The following MGAT5 variants were observed in gnomAD, a reference collection of about 807,000 sequenced individuals.
The protein encoded by MGAT5 is alpha-1,6-mannosylglycoprotein 6-beta-N-acetylglucosaminyltransferase A.
Under a neutral mutation model 94.3 loss-of-function variants are expected in MGAT5, and 30 were observed. The observed-to-expected ratio is 0.32, with a 90% CI of 0.24 to 0.43. The LOEUF (loss-of-function observed/expected upper bound fraction) is 0.43. MGAT5 is among the 20% of genes least tolerant of loss of function. The pLI, the probability that MGAT5 is intolerant of heterozygous loss-of-function variation, is 1.00. For synonymous variants in MGAT5, 310 were observed against 322.9 expected, an observed-to-expected ratio of 0.96 and a Z score of 0.43; for missense variants, 691 against 905.5, an observed-to-expected ratio of 0.76 and a Z score of 3.04.
At chr2:134,299,027 A>G (rs1685862338) in intron 2 of MGAT5, among the ~76,000 whole-genome samples, 1 of 152,158 alleles carries the variant, frequency 6.6e-6, no homozygotes, top group Non-Finnish European at 1.5e-5. Context: ...GATCTTCCCA[A>G]TTGTACTTTT....
intron 1 of MGAT5, among the ~76,000 whole-genome samples, chr2:134,168,545 A>G (rs183094376): frequency 1.3e-5 from 2 of 152,336 alleles, no homozygotes; most frequent in Admixed American, 6.5e-5. Flanking sequence ...GCTTCACAGT[A>G]TGGTGAATTT....
chr2:134,380,426 A>G (rs1221334926), intron 10 of MGAT5, among the ~76,000 whole-genome samples: 3 of 152,184 alleles, frequency 2.0e-5, no homozygotes, highest in African/African-American at 7.2e-5. Flanking sequence ...TTAGAATGCA[A>G]GTGCACCCTT....
rs80337449 is a variant in MGAT5 at position 134,446,355 on chromosome 2, G to A, written c.2028-2294G>A. On this transcript the variant is annotated intron_variant, in intron 15 of 15. Coordinates refer to ENST00000281923, the MANE Select transcript of MGAT5 (RefSeq NM_002410.5). ...TTCCTCGCCATGGGGTCTGAGAGTC[G>A]CCGTAGAGATTTCTATGCTCTGGTT... is the stretch of plus-strand genomic sequence containing the variant. Among the ~76,000 whole-genome samples the A allele has an allele frequency of 4.9e-3, 747 of 152,052 alleles. 9 individuals are homozygous for A. Among genetic ancestry groups the A allele is most frequent in the African/African-American group, 0.015 (635 of 41,460 alleles).
rs115249344 is a variant in MGAT5 at position 134,165,331 on chromosome 2, T to C, written c.-143+45040T>C. On this transcript the variant is annotated intron_variant, in intron 1 of 16. Coordinates refer to the MGAT5 transcript ENST00000409645. ...GAGATTTAAGACATGGATACTCTAA[T>C]GCACATTAGAAAATTTAATATATTG... is the stretch of plus-strand genomic sequence containing the variant. 7.6e-3 allele frequency among the ~76,000 whole-genome samples: 1,158 copies of C among 152,300 alleles called. 11 individuals carry two copies. The highest frequency in any genetic ancestry group is 0.026 in the African/African-American group (1,063 of 41,552).
intron 11 of MGAT5, among the ~76,000 whole-genome samples, chr2:134,411,136 C>T (rs1331975002): frequency 1.3e-5 from 2 of 152,304 alleles, no homozygotes; most frequent in Non-Finnish European, 2.9e-5. Context: ...TCTCCCCCAC[C>T]CCTGAGCCAC....
chr2:134,308,415 A>G (rs1686457858), intron 2 of MGAT5, among the ~76,000 whole-genome samples: 1 of 152,196 alleles, frequency 6.6e-6, no homozygotes, highest in African/African-American at 2.4e-5. Flanking sequence ...CTGCACTGAC[A>G]TTCAGGGCTC....
intron 1 of MGAT5, among the ~76,000 whole-genome samples, chr2:134,165,950 A>C (rs1180581010): frequency 1.3e-5 from 2 of 152,182 alleles, no homozygotes; most frequent in African/African-American, 4.8e-5. Flanking sequence ...AGGTATGAAA[A>C]ATAGTACCTC....
chr2:134,406,801 G>T (rs1683366614), intron 11 of MGAT5, among the ~76,000 whole-genome samples: 1 of 152,128 alleles, frequency 6.6e-6, no homozygotes, highest in Non-Finnish European at 1.5e-5. Context: ...AAGCTGAAAT[G>T]GGAGGGTCAC....
chr2:134,214,910 T>C (rs72846742), intron 1 of MGAT5, among the ~76,000 whole-genome samples: 11,252 of 152,194 alleles, frequency 0.074, 467 homozygotes, highest in African/African-American at 0.092. Context: ...AACCACCAGA[T>C]ACACAGAGCA....
chr2:134,448,516 C>T (rs1223791638), intron 15 of MGAT5, 133 bp from the exon 16 acceptor site: 1 of 813,022 alleles, frequency 1.2e-6, no homozygotes, highest in Non-Finnish European at 2.1e-6. Flanking sequence ...GGGTGGGCAC[C>T]ATTTCATTTC....
chr2:134,445,982 C>T (rs2106438806), intron 15 of MGAT5, among the ~76,000 whole-genome samples: 1 of 152,292 alleles, frequency 6.6e-6, no homozygotes, highest in East Asian at 1.9e-4. Context: ...GGGATGGGCA[C>T]ATGCATGCCA....
chr2:134,302,492 C>A (rs984748958), intron 2 of MGAT5, among the ~76,000 whole-genome samples: 4 of 152,096 alleles, frequency 2.6e-5, no homozygotes, highest in Admixed American at 6.6e-5. Context: ...ATTAATATTT[C>A]TGATTCTCTT....
chr2:134,201,993 A>T, intron 1 of MGAT5, among the ~76,000 whole-genome samples: 1 of 151,924 alleles, frequency 6.6e-6, no homozygotes, highest in East Asian at 1.9e-4. Flanking sequence ...GCTGGTTGAT[A>T]CTAATGAAGA....
intron 1 of MGAT5, among the ~76,000 whole-genome samples, chr2:134,145,769 A>G (rs1686889587): frequency 6.6e-6 from 1 of 151,126 alleles, no homozygotes; most frequent in African/African-American, 2.5e-5. Flanking sequence ...GTGCTAATCT[A>G]TCTGGTGAGG....
intron 10 of MGAT5, among the ~76,000 whole-genome samples, chr2:134,398,198 C>A (rs981049252): frequency 6.6e-6 from 1 of 152,194 alleles, no homozygotes; most frequent in Non-Finnish European, 1.5e-5. Flanking sequence ...GTTGAAAATT[C>A]TCCAGTGCTC....
intron 10 of MGAT5, among the ~76,000 whole-genome samples, chr2:134,372,614 T>C (rs1243044059): frequency 6.6e-6 from 1 of 152,212 alleles, no homozygotes; most frequent in East Asian, 1.9e-4. Flanking sequence ...ACTGTAGAGC[T>C]AGAGCAGGCC....
At chr2:134,158,270 A>G (rs879513569) in intron 1 of MGAT5, among the ~76,000 whole-genome samples, 1 of 152,094 alleles carries the variant, frequency 6.6e-6, no homozygotes, top group Admixed American at 6.5e-5. Context: ...CCCAGTGTCC[A>G]TGGCACCTAA....
At chr2:134,439,665 C>A (rs1685368206) in intron 14 of MGAT5, among the ~76,000 whole-genome samples, 1 of 152,156 alleles carries the variant, frequency 6.6e-6, no homozygotes, top group Non-Finnish European at 1.5e-5. Context: ...CCACTGTACT[C>A]CAGCCTGGGC....
intron 10 of MGAT5, among the ~76,000 whole-genome samples, chr2:134,367,025 G>T (rs1030537005): frequency 6.6e-6 from 1 of 152,178 alleles, no homozygotes; most frequent in Admixed American, 6.5e-5. Flanking sequence ...TGAGCAGTGG[G>T]CTCTGAGAGG....
Sources: gnomAD v4.1 joint callset for allele counts (sites outside exome capture counted in the v4.1 genomes callset) on GRCh38, gnomAD v4.1.1 for gene constraint, MANE v1.5 for transcripts, NCBI Gene and HGNC (gene_info 2026-07-23, HGNC 2026-07-21) for gene names.